The following PRKAR1B variants were observed in gnomAD, a reference collection of about 807,000 sequenced individuals.
The protein encoded by PRKAR1B is protein kinase cAMP-dependent type I regulatory subunit beta, also known as cAMP-dependent protein kinase type I-beta regulatory subunit.
In PRKAR1B, 22 loss-of-function variants were observed where a neutral mutation model predicts 46.5. That is an observed-to-expected ratio of 0.47 (90% CI 0.34 to 0.68). The LOEUF (loss-of-function observed/expected upper bound fraction) is 0.68. Among genes scored for constraint, PRKAR1B ranks in the 30% least tolerant of loss-of-function variants. The pLI, the probability that PRKAR1B is intolerant of heterozygous loss-of-function variation, is 0.01. For synonymous variants in PRKAR1B, 259 were observed against 217.7 expected, an observed-to-expected ratio of 1.19 and a Z score of -1.67; for missense variants, 445 against 535.6, an observed-to-expected ratio of 0.83 and a Z score of 1.67.
intron 7 of PRKAR1B, among the ~76,000 whole-genome samples, chr7:592,678 C>T (rs550266037): frequency 2.0e-5 from 3 of 152,326 alleles, no homozygotes; most frequent in South Asian, 2.1e-4. Flanking sequence ...TGCTTCCAAA[C>T]GCTGAGGTCC....
At chr7:655,991 C>G (rs1785166780) in intron 4 of PRKAR1B, among the ~76,000 whole-genome samples, 2 of 152,198 alleles carry the variant, frequency 1.3e-5, no homozygotes, top group South Asian at 4.1e-4. Flanking sequence ...TCAGAAAAAT[C>G]CATTTATGAG....
chr7:584,789 G>A (rs928388865), intron 7 of PRKAR1B, among the ~76,000 whole-genome samples: 2 of 152,112 alleles, frequency 1.3e-5, no homozygotes, highest in Non-Finnish European at 2.9e-5. Context: ...GAAGCTCCCG[G>A]CATGGTTGCT....
chr7:651,468 G>A (rs964378171), intron 4 of PRKAR1B, among the ~76,000 whole-genome samples: 9 of 152,210 alleles, frequency 5.9e-5, no homozygotes, highest in Admixed American at 2.6e-4. Flanking sequence ...CAGACTTCAC[G>A]TGTCAACAAA....
chr7:552,813 C>G (rs1305588440), intron 9 of PRKAR1B, among the ~76,000 whole-genome samples: 1 of 152,226 alleles, frequency 6.6e-6, no homozygotes, highest in Non-Finnish European at 1.5e-5. Context: ...GGACTGGGAG[C>G]TCATCCAGCC....
At chr7:614,972 G>C (rs181010655) in intron 4 of PRKAR1B, among the ~76,000 whole-genome samples, 6 of 152,318 alleles carry the variant, frequency 3.9e-5, no homozygotes, top group Non-Finnish European at 5.9e-5. Flanking sequence ...AGCTACTCGG[G>C]AGGCTGAGGC....
chr7:663,022 G>A (rs995997207), intron 4 of PRKAR1B, among the ~76,000 whole-genome samples: 4 of 152,152 alleles, frequency 2.6e-5, no homozygotes, highest in African/African-American at 9.7e-5. Flanking sequence ...AGTCCTGAAA[G>A]AGGCCCCAAG....
intron 2 of PRKAR1B, among the ~76,000 whole-genome samples, chr7:710,105 A>C (rs1192608441): frequency 1.3e-5 from 2 of 152,180 alleles, no homozygotes; most frequent in African/African-American, 4.8e-5. Flanking sequence ...GGGAAGAGTT[A>C]TATTCACTCC....
rs1205281298 is a variant in PRKAR1B, at chr7:666,836, G to C, written c.440+10393C>G. ...GACTGCGGGGTCTGTCTGGATAGCC[G>C]GGCCAGCCTCCAAGGGGCAAGGCAC... On this transcript the variant is annotated intron_variant, in intron 4 of 10. Transcript: ENST00000537384. The surrounding 1 kb of genome is among the most constrained non-coding windows in gnomAD (Gnocchi z 4.9). Among the ~76,000 whole-genome samples the C allele has an allele frequency of 6.6e-6, 1 of 152,180 alleles. No homozygotes were observed. The highest frequency in any genetic ancestry group is 2.4e-5 in the African/African-American group (1 of 41,438).
chr7:724,997 G>A (rs537290218), intron 1 of PRKAR1B, among the ~76,000 whole-genome samples: 3 of 152,242 alleles, frequency 2.0e-5, no homozygotes, highest in South Asian at 2.1e-4. Flanking sequence ...GGCGGATCAC[G>A]AGGTCAGGAC....
chr7:583,417 C>G (rs952489130), intron 8 of PRKAR1B, among the ~76,000 whole-genome samples: 1 of 64,314 alleles, frequency 1.6e-5, no homozygotes, highest in Non-Finnish European at 3.4e-5. Context: ...TGCACACCCA[C>G]GCACACACGC....
chr7:627,407 T>C (rs1315295297), intron 4 of PRKAR1B, among the ~76,000 whole-genome samples: 1 of 152,162 alleles, frequency 6.6e-6, no homozygotes, highest in African/African-American at 2.4e-5. Flanking sequence ...CTGGAACTTT[T>C]ACAACACCCA....
intron 4 of PRKAR1B, among the ~76,000 whole-genome samples, chr7:671,995 G>A (rs1390354515): frequency 6.6e-6 from 1 of 152,130 alleles, no homozygotes; most frequent in Admixed American, 6.5e-5. Flanking sequence ...AAAAATGTAT[G>A]TGCTTCATGA....
chr7:642,380 T>TA, intron 4 of PRKAR1B, among the ~76,000 whole-genome samples: 1 of 152,178 alleles, frequency 6.6e-6, no homozygotes, highest in Admixed American at 6.5e-5. Flanking sequence ...ATAGGCTACT[T>TA]ACAGTGGGTG....
Position 550,355 on chromosome 7 carries a change from C to T in PRKAR1B, c.*75G>A. 1 of 1,429,692 alleles carries T rather than the reference C, an allele frequency of 7.0e-7. No homozygotes were observed. Among genetic ancestry groups the T allele is most frequent in the South Asian group, 1.3e-5 (1 of 79,556 alleles). The allele number at this position is 1,429,692 out of a possible 1,614,324, so 88.6% of individuals were successfully genotyped here. ...CCGGCCCACACCTCACACAGCGGCTCCCGGGCCCCCGACACAGACGAGCAG... is the reference window on the plus strand; with the variant it reads ...CCGGCCCACACCTCACACAGCGGCTTCCGGGCCCCCGACACAGACGAGCAG... On this transcript the variant is annotated 3_prime_UTR_variant, in exon 11 of 11. Coordinates refer to ENST00000537384, the MANE Select transcript of PRKAR1B (RefSeq NM_001164760.2).
chr7:660,523 C>A (rs1785457700), intron 4 of PRKAR1B, among the ~76,000 whole-genome samples: 1 of 125,808 alleles, frequency 7.9e-6, no homozygotes, highest in Non-Finnish European at 1.7e-5. Context: ...ACTCTCCCCC[C>A]CATGGCACAG....
intron 7 of PRKAR1B, among the ~76,000 whole-genome samples, chr7:589,557 A>G (rs867578290): frequency 6.6e-4 from 100 of 152,012 alleles, no homozygotes; most frequent in African/African-American, 2.2e-3. Context: ...TCTCCACTCT[A>G]TGGAAGAAAC....
At chr7:653,992 G>A (rs200976975) in intron 4 of PRKAR1B, among the ~76,000 whole-genome samples, 9 of 146,800 alleles carry the variant, frequency 6.1e-5, no homozygotes, top group East Asian at 4.2e-4. Flanking sequence ...CATCATTGCC[G>A]TCTTCATCAC....
chr7:554,605 C>G (rs946484566), intron 9 of PRKAR1B, among the ~76,000 whole-genome samples: 2 of 151,162 alleles, frequency 1.3e-5, no homozygotes, highest in African/African-American at 4.9e-5. Context: ...ACAGGGGAGG[C>G]CACGGATCCC....
intron 2 of PRKAR1B, among the ~76,000 whole-genome samples, chr7:681,512 TG>T (rs1227983815): frequency 6.6e-6 from 1 of 152,174 alleles, no homozygotes; most frequent in Non-Finnish European, 1.5e-5. Context: ...AACTTTAATT[TG>T]CTTTTTAAAG....
Sources: gnomAD v4.1 joint callset for allele counts (sites outside exome capture counted in the v4.1 genomes callset) on GRCh38, gnomAD v4.1.1 for gene constraint, Gnocchi (gnomAD v3.1) non-coding constraint, MANE v1.5 for transcripts, NCBI Gene and HGNC (gene_info 2026-07-23, HGNC 2026-07-21) for gene names.